Variants in LLPH observed in about 807,000 individuals in gnomAD.
The protein encoded by LLPH is protein LLP homolog.
Under a neutral mutation model 13.3 loss-of-function variants are expected in LLPH, and 5 were observed. The observed-to-expected ratio is 0.38, with a 90% confidence interval of 0.20 to 0.79. LLPH has a LOEUF of 0.79. Among genes scored for constraint, LLPH ranks in the 30% least tolerant of loss-of-function variants. The pLI is 0.45. For synonymous variants in LLPH, 32 were observed against 44.2 expected (o/e 0.72, Z 1.09); for missense variants, 129 against 152.1 (o/e 0.85, Z 0.80).
chr12:66,125,293 A>G (rs1296499436), intron 2 of LLPH, among the ~76,000 whole-genome samples: 2 of 152,212 alleles, frequency 1.3e-5, no homozygotes, highest in Non-Finnish European at 2.9e-5. Flanking sequence ...AAGCAGGAAA[A>G]AAATGGATAC....
At chr12:66,124,873 CG>C (rs2051486647) in intron 2 of LLPH, among the ~76,000 whole-genome samples, 1 of 152,054 alleles carries the variant, frequency 6.6e-6, no homozygotes, top group African/African-American at 2.4e-5. Context: ...GTTCTGTTGA[CG>C]GGAGAATAAC....
At chr12:66,126,558 CAACGT>C (rs2051498512) in intron 2 of LLPH, among the ~76,000 whole-genome samples, 2 of 151,988 alleles carry the variant, frequency 1.3e-5, no homozygotes, top group Non-Finnish European at 2.9e-5. Context: ...AAAAGACAAA[CAACGT>C]AATTGAAAAA....
chr12:66,117,207 T>C lies in LLPH; in HGVS notation c.*6633A>G, dbSNP rs1432481609. The C allele has an allele frequency of 3.3e-5, 5 of 152,242 alleles. No individual in the cohort carries two copies. Among genetic ancestry groups the C allele is most frequent in the African/African-American group, 1.2e-4 (5 of 41,468 alleles). The allele number at this position is 152,242 out of a possible 1,614,324, so 9.4% of individuals were successfully genotyped here. A position where few individuals can be genotyped will look rare whatever the true frequency, so the allele number is the denominator to read the frequency against. On this transcript the variant is annotated 3_prime_UTR_variant, in exon 3 of 3. Transcript: ENST00000266604. Reference sequence around the variant, plus strand: ...AGATAAAAAATATTCAAAAGAAAACTACAGTTGCATCTGTACTGAACATGT... The same window carrying C: ...AGATAAAAAATATTCAAAAGAAAACCACAGTTGCATCTGTACTGAACATGT...
At chr12:66,124,052 T>A (rs367812509) in intron 2 of LLPH, 34 bp from the exon 3 acceptor site, 2 of 1,501,876 alleles carry the variant, frequency 1.3e-6, no homozygotes, top group Non-Finnish European at 9.1e-7. Flanking sequence ...ATTAACACCA[T>A]GTATGAAAAA....
chr12:66,123,927 T>C lies in LLPH; in HGVS notation c.303A>G (p.Gln101=), dbSNP rs1226221169. 6 of 1,613,102 alleles carry C rather than the reference T, an allele frequency of 3.7e-6. No homozygotes were observed. The highest frequency in any genetic ancestry group is 4.2e-6 in the Non-Finnish European group (5 of 1,179,486). Residue 101 remains glutamine (Q), a synonymous_variant, in exon 3 of 3, where the codon CAA becomes CAG. Transcript: ENST00000266604. ...GQYPIWMNQR[Q]RKRLKAKREK... ...CTCGCTTTGCCTTCAGCCTTTTTCT[T>C]TGCCTTTGGTTCATCCATATTGGGT...
At position 66,122,619 on chromosome 12, in the gene LLPH, A is replaced by G. The variant is rs1281895630; in HGVS notation, c.*1221T>C. The G allele has an allele frequency of 6.6e-6, 1 of 152,258 alleles. No individual in the cohort carries two copies. Among genetic ancestry groups the G allele is most frequent in the Non-Finnish European group, 1.5e-5 (1 of 68,048 alleles). The allele number at this position is 152,258 out of a possible 1,614,324, so 9.4% of individuals were successfully genotyped here. A position where few individuals can be genotyped will look rare whatever the true frequency, so the allele number is the denominator to read the frequency against. On this transcript the variant is annotated 3_prime_UTR_variant, in exon 3 of 3. Coordinates refer to ENST00000266604, the MANE Select transcript of LLPH (RefSeq NM_032338.4). ...AATGAATTTAGCAAACTGTAGTAAG[A>G]CAGATTTAACTAAAAATCATTTCTC...
chr12:66,127,461 T>A (rs2051504376), intron 2 of LLPH, among the ~76,000 whole-genome samples: 1 of 152,102 alleles, frequency 6.6e-6, no homozygotes, highest in Admixed American at 6.5e-5. Flanking sequence ...TCAAAACAGG[T>A]AAATTCACAC....
intron 2 of LLPH, among the ~76,000 whole-genome samples, chr12:66,127,233 A>G (rs1592525803): frequency 6.6e-6 from 1 of 152,242 alleles, no homozygotes; most frequent in Non-Finnish European, 1.5e-5. Flanking sequence ...TCACAGCAGC[A>G]CTATTCACAA....
intron 2 of LLPH, 138 bp downstream of exon 2, chr12:66,128,758 T>C: frequency 1.6e-6 from 1 of 643,114 alleles, no homozygotes; most frequent in South Asian, 2.0e-5. Context: ...GTGGGAAGAA[T>C]CCGCTTCAGC....
In LLPH at chr12:66,129,130, C is replaced by T. The variant is rs2051517106; in HGVS notation, c.-7-17G>A. ...ATGTTTTACCTGAAGTTAACAAAAA[C>T]ACACATTCAAAAGCAAATCTTTAAT... On this transcript the variant is annotated splice_polypyrimidine_tract_variant and intron_variant, in intron 1 of 2. Transcript: ENST00000266604. 7 of 1,517,024 alleles carry T rather than the reference C, an allele frequency of 4.6e-6. No individual in the cohort carries two copies. The highest frequency in any genetic ancestry group is 6.3e-6 in the Non-Finnish European group (7 of 1,103,308). The allele number at this position is 1,517,024 out of a possible 1,614,324, so 94.0% of individuals were successfully genotyped here.
rs1002405268 is a variant in LLPH at position 66,128,885 on chromosome 12, A to G, written c.211+11T>C. 17 of 1,572,852 alleles carry G rather than the reference A, an allele frequency of 1.1e-5. No homozygotes were observed. Among genetic ancestry groups the G allele is most frequent in the Admixed American group, 1.8e-5 (1 of 56,072 alleles). ...AAAAAAAAGAGAAAGAAAAAGGAGA[A>G]GCACACTCACCTTTTTCATCTTTTA... is the stretch of plus-strand genomic sequence containing the variant. On this transcript the variant is annotated intron_variant, in intron 2 of 2. Coordinates refer to ENST00000266604, the MANE Select transcript of LLPH (RefSeq NM_032338.4).
chr12:66,126,091 G>A (rs1055311854), intron 2 of LLPH, among the ~76,000 whole-genome samples: 19 of 152,192 alleles, frequency 1.2e-4, no homozygotes, highest in East Asian at 7.7e-4. Flanking sequence ...TTGGGAGGCC[G>A]AGGCGGGTGG....
intron 2 of LLPH, among the ~76,000 whole-genome samples, chr12:66,128,613 G>C (rs1406620983): frequency 2.0e-5 from 3 of 152,100 alleles, no homozygotes; most frequent in African/African-American, 7.2e-5. Flanking sequence ...AAGCACCAAA[G>C]ACCCACTCTA....
intron 2 of LLPH, among the ~76,000 whole-genome samples, chr12:66,125,905 C>A (rs868061486): frequency 6.6e-6 from 1 of 152,112 alleles, no homozygotes; most frequent in Admixed American, 6.5e-5. Context: ...ATAATACATA[C>A]CATAAATAAA....
rs1280435670 is a variant in LLPH at position 66,124,012 on chromosome 12, A to T, written c.218T>A (p.Met73Lys). The T allele has an allele frequency of 6.3e-7, 1 of 1,597,910 alleles. No homozygotes were observed. Among genetic ancestry groups the T allele is most frequent in the Non-Finnish European group, 8.5e-7 (1 of 1,173,528 alleles). The change falls in exon 3 of 3, where the codon ATG becomes AAG. Residue 73 changes from methionine (M) to lysine (K), a missense_variant. Transcript: ENST00000266604. ...QCEVKDEKDD[M>K]KMETDIKRNK... ...TCTCTTAATATCAGTCTCCATTTTC[A>T]TGTCATCTGCATAAAAAGATGGAAA...
At chr12:66,126,880 G>A (rs1424619909) in intron 2 of LLPH, among the ~76,000 whole-genome samples, 2 of 150,958 alleles carry the variant, frequency 1.3e-5, no homozygotes, top group Non-Finnish European at 2.9e-5. Context: ...GTGGTGAGCC[G>A]AGATCATGCC....
In LLPH at chr12:66,122,081, T is replaced by C. The variant is rs1156957370; in HGVS notation, c.*1759A>G. ...ATCATGAATGACATCTTTCAATTCA[T>C]ATCTTTCTTAGCTGTTAAGAAATTT... On this transcript the variant is annotated 3_prime_UTR_variant, in exon 3 of 3. Coordinates refer to ENST00000266604, the MANE Select transcript of LLPH (RefSeq NM_032338.4). 2.0e-5 allele frequency: 3 copies of C among 152,056 alleles called. No homozygotes were observed. Among genetic ancestry groups the C allele is most frequent in the African/African-American group, 4.8e-5 (2 of 41,350 alleles). The allele number at this position is 152,056 out of a possible 1,614,324, so 9.4% of individuals were successfully genotyped here.
At chr12:66,127,962 G>A (rs1314169031) in intron 2 of LLPH, among the ~76,000 whole-genome samples, 1 of 152,152 alleles carries the variant, frequency 6.6e-6, no homozygotes, top group Non-Finnish European at 1.5e-5. Context: ...CACAAGTGGA[G>A]AAACTGGCCT....
rs1432923763 is a variant in LLPH at position 66,120,426 on chromosome 12, G to T, written c.*3414C>A. On this transcript the variant is annotated 3_prime_UTR_variant, in exon 3 of 3. Transcript: ENST00000266604. The stretch of plus-strand genomic sequence containing the variant: ...TTTCAGTTTTAGTTGTATGGCCTGT[G>T]TGCCTCAGTTTCCCCATGTGTAAAC... The T allele has an allele frequency of 6.6e-6, 1 of 152,188 alleles. No individual in the cohort carries two copies. The highest frequency in any genetic ancestry group is 1.5e-5 in the Non-Finnish European group (1 of 68,044). The allele number at this position is 152,188 out of a possible 1,614,324, so 9.4% of individuals were successfully genotyped here.
Sources: allele counts gnomAD v4.1 joint callset (sites outside exome capture counted in the v4.1 genomes callset), GRCh38; gene constraint gnomAD v4.1.1; transcripts MANE v1.5; gene names NCBI Gene and HGNC (gene_info 2026-07-23, HGNC 2026-07-21).